USP32: variants seen among roughly 807,000 people sequenced by gnomAD.
The protein encoded by USP32 is ubiquitin carboxyl-terminal hydrolase 32.
Under a neutral mutation model 204.8 loss-of-function variants are expected in USP32, and 59 were observed. The ratio of observed to expected loss-of-function variants is 0.29; its 90% CI spans 0.23 to 0.36. The LOEUF is 0.36. Ranked by LOEUF, USP32 falls within the 10% of genes least tolerant of loss-of-function variation. The pLI is 1.00. For synonymous variants in USP32, 517 were observed against 678.4 expected (o/e 0.76, Z 3.70); for missense variants, 1,160 against 1,946.4 (o/e 0.60, Z 7.60).
chr17:60,385,723 T>C (rs1399987488), intron 1 of USP32, among the ~76,000 whole-genome samples: 1 of 150,358 alleles, frequency 6.7e-6, no homozygotes, highest in African/African-American at 2.5e-5. Flanking sequence ...GTGCCTGTAA[T>C]CCCAGCTACT....
chr17:60,413,274 C>T (rs1354180839), intron 1 of USP32, among the ~76,000 whole-genome samples: 1 of 151,882 alleles, frequency 6.6e-6, no homozygotes, highest in African/African-American at 2.4e-5. Context: ...CTCACCTGGC[C>T]CAGCAAAAAG....
intron 29 of USP32, among the ~76,000 whole-genome samples, chr17:60,189,875 T>A (rs1465445469): frequency 2.6e-5 from 4 of 152,224 alleles, no homozygotes; most frequent in Non-Finnish European, 5.9e-5. Context: ...TATTGATATG[T>A]CATGGCCAGA....
chr17:60,218,850 C>A (rs1258382039), intron 16 of USP32, among the ~76,000 whole-genome samples: 1 of 152,222 alleles, frequency 6.6e-6, no homozygotes. Context: ...CCACCTCAGC[C>A]TCCCAAATTG....
intron 11 of USP32, among the ~76,000 whole-genome samples, chr17:60,247,886 G>A (rs748204158): frequency 5.9e-5 from 9 of 151,912 alleles, no homozygotes; most frequent in South Asian, 4.2e-4. Flanking sequence ...GGGTTTCACC[G>A]CGTTAGCCAG....
At chr17:60,324,694 A>C (rs2088189604) in intron 2 of USP32, among the ~76,000 whole-genome samples, 1 of 152,232 alleles carries the variant, frequency 6.6e-6, no homozygotes, top group African/African-American at 2.4e-5. Flanking sequence ...ACTTTGTCTC[A>C]GAAAATTATA....
intron 1 of USP32, among the ~76,000 whole-genome samples, chr17:60,376,540 T>C (rs1406996506): frequency 6.6e-6 from 1 of 151,626 alleles, no homozygotes; most frequent in African/African-American, 2.4e-5. Context: ...TCTTTTTTTT[T>C]TGAGACAGAG....
At chr17:60,256,613 C>T in intron 9 of USP32, 1 of 922,570 alleles carries the variant, frequency 1.1e-6, no homozygotes. Context: ...GGTTTCCTCC[C>T]ACATCCCAAA....
In USP32 at chr17:60,271,358, A is replaced by G; in HGVS notation, c.695T>C (p.Leu232Pro). 2 of 1,614,070 alleles carry G rather than the reference A, an allele frequency of 1.2e-6. No homozygotes were observed. The highest frequency in any genetic ancestry group is 2.2e-5 in the South Asian group (2 of 91,074). Residue 232 changes from leucine to proline, a missense_variant, in exon 6 of 34, where the codon CTA becomes CCA. This residue lies in a region of USP32 where 536 missense variants were observed against 680.9 expected (regional missense o/e 0.79). Transcript: ENST00000300896. ...AATGGAATGATCCCTACCTTCACTT[A>G]GAGATGGACGAATAGGTGGTGAAAC... is the stretch of plus-strand genomic sequence containing the variant. Reference protein sequence around the residue: ...PLVSPPIRPSLSEGLFNAFDE... With the variant: ...PLVSPPIRPSPSEGLFNAFDE...
At chr17:60,385,324 C>T (rs1423349251) in intron 1 of USP32, among the ~76,000 whole-genome samples, 3 of 152,172 alleles carry the variant, frequency 2.0e-5, no homozygotes, top group Non-Finnish European at 4.4e-5. Flanking sequence ...GGACTCAGCC[C>T]GCCTGCACCC....
chr17:60,388,825 T>G (rs1256988497), intron 1 of USP32, among the ~76,000 whole-genome samples: 1 of 152,200 alleles, frequency 6.6e-6, no homozygotes, highest in Non-Finnish European at 1.5e-5. Flanking sequence ...ATCTTCCTAA[T>G]TTCTAGGTGC....
intron 1 of USP32, among the ~76,000 whole-genome samples, chr17:60,399,072 T>C (rs1232892928): frequency 3.3e-5 from 5 of 151,956 alleles, no homozygotes; most frequent in South Asian, 2.1e-4. Flanking sequence ...TTAGTCCAGA[T>C]TGAAGGAGTG....
At chr17:60,393,647 T>C (rs557081953), upstream of USP32, among the ~76,000 whole-genome samples, 51 of 152,016 alleles carry the variant, frequency 3.4e-4, no homozygotes, top group Non-Finnish European at 6.3e-4. Flanking sequence ...CAGATTCTAA[T>C]ATACCCTGCT....
chr17:60,383,350 C>A (rs1480560742), intron 1 of USP32, among the ~76,000 whole-genome samples: 1 of 152,056 alleles, frequency 6.6e-6, no homozygotes, highest in East Asian at 1.9e-4. Flanking sequence ...TTTTTTACCC[C>A]CCGATCTGAC....
intron 13 of USP32, 69 bp downstream of exon 13, chr17:60,225,970 A>T: frequency 2.3e-6 from 3 of 1,308,636 alleles, no homozygotes; most frequent in Non-Finnish European, 3.1e-6. Context: ...AAAAAAAAAA[A>T]GAAAAGAAAA....
At chr17:60,295,217 ACT>A (rs2145872058) in intron 3 of USP32, among the ~76,000 whole-genome samples, 1 of 151,728 alleles carries the variant, frequency 6.6e-6, no homozygotes, top group Non-Finnish European at 1.5e-5. Context: ...TCACTGAAAT[ACT>A]GTTTGTAAGA....
chr17:60,417,857 G>A (rs60334735), intron 1 of USP32, among the ~76,000 whole-genome samples: 2 of 150,706 alleles, frequency 1.3e-5, no homozygotes, highest in African/African-American at 2.4e-5. Context: ...TGGCACAATC[G>A]AAGCTCACTG....
chr17:60,249,556 C>T, intron 11 of USP32: 1 of 544,436 alleles, frequency 1.8e-6, no homozygotes, highest in East Asian at 3.2e-5. Flanking sequence ...ATTTTATTAT[C>T]CTTGGACAGG....
At chr17:60,237,827 A>C (rs563664319) in intron 11 of USP32, among the ~76,000 whole-genome samples, 3 of 152,318 alleles carry the variant, frequency 2.0e-5, no homozygotes, top group Non-Finnish European at 4.4e-5. Flanking sequence ...TTAACCATTC[A>C]TCCACTGATG....
At chr17:60,201,278 T>G (rs1211546214) in intron 26 of USP32, among the ~76,000 whole-genome samples, 2 of 152,140 alleles carry the variant, frequency 1.3e-5, no homozygotes, top group Non-Finnish European at 2.9e-5. Flanking sequence ...TCTTAATATA[T>G]CTCAGCTTCC....
Sources: allele counts gnomAD v4.1 joint callset (sites outside exome capture counted in the v4.1 genomes callset), GRCh38; gene constraint gnomAD v4.1.1; regional missense constraint gnomAD v4.1.1; transcripts MANE v1.5; gene names NCBI Gene and HGNC (gene_info 2026-07-23, HGNC 2026-07-21).